COL4A5: variants seen among roughly 807,000 people sequenced by gnomAD.
COL4A5 encodes the protein collagen alpha-5(IV) chain.
Under a neutral mutation model 130.2 loss-of-function variants are expected in COL4A5, and 26 were observed. The ratio of observed to expected loss-of-function variants is 0.20; its 90% CI spans 0.15 to 0.28. The LOEUF is 0.28. Ranked by LOEUF, COL4A5 falls within the 10% of genes least tolerant of loss-of-function variation. COL4A5 has a pLI of 1.00. For synonymous variants in COL4A5, 496 were observed against 439.6 expected, an observed-to-expected ratio of 1.13 and a Z score of -1.60; for missense variants, 1,131 against 1,344.3, an observed-to-expected ratio of 0.84 and a Z score of 2.48.
intron 51 of COL4A5, 62 bp from the exon 52 acceptor site, chrX:108,695,205 G>T (rs1603328334): frequency 8.5e-7 from 1 of 1,180,613 alleles, no homozygotes; most frequent in East Asian, 3.0e-5. Context: ...CACATCTTTG[G>T]ATATTCACTA....
intron 1 of COL4A5, among the ~76,000 whole-genome samples, chrX:108,524,208 G>A (rs947901137): frequency 8.9e-6 from 1 of 111,741 alleles, no homozygotes; most frequent in Non-Finnish European, 1.9e-5. Context: ...AGGATTATGT[G>A]GAAAAGAAAT....
chrX:108,686,548 A>C (rs2147989925), intron 48 of COL4A5, among the ~76,000 whole-genome samples: 1 of 112,099 alleles, frequency 8.9e-6, no homozygotes, highest in African/African-American at 3.2e-5. Context: ...TAGACCTTTA[A>C]GAGTCATGGT....
chrX:108,566,197 A>G (rs1350841878), intron 4 of COL4A5, among the ~76,000 whole-genome samples: 1 of 110,340 alleles, frequency 9.1e-6, no homozygotes, highest in East Asian at 2.8e-4. Context: ...ATGAGTTGCT[A>G]CACCAGAAAC....
At chrX:108,477,835 A>G (rs891007740) in intron 1 of COL4A5, among the ~76,000 whole-genome samples, 1 of 108,612 alleles carries the variant, frequency 9.2e-6, no homozygotes, top group African/African-American at 3.3e-5. Context: ...AAAAAAAAAA[A>G]GAAGAAGGAG....
chrX:108,577,733 T>G (rs1376309710), intron 10 of COL4A5, among the ~76,000 whole-genome samples: 1 of 111,183 alleles, frequency 9.0e-6, no homozygotes, highest in Non-Finnish European at 1.9e-5. Flanking sequence ...CATCCCAGCT[T>G]TTTTCTCTTG....
chrX:108,468,706 T>G (rs1381194671), intron 1 of COL4A5, among the ~76,000 whole-genome samples: 1 of 110,297 alleles, frequency 9.1e-6, no homozygotes, highest in Non-Finnish European at 1.9e-5. Context: ...CCTGGGATAA[T>G]TCTCATTTGG....
intron 1 of COL4A5, among the ~76,000 whole-genome samples, chrX:108,446,437 A>G (rs573704319): frequency 8.9e-6 from 1 of 112,105 alleles, no homozygotes; most frequent in South Asian, 3.7e-4. Context: ...TTATTGCTAC[A>G]GCCGCCTTCA....
intron 1 of COL4A5, among the ~76,000 whole-genome samples, chrX:108,534,857 G>A (rs1298404805): frequency 9.0e-6 from 1 of 110,576 alleles, no homozygotes; most frequent in Non-Finnish European, 1.9e-5. Flanking sequence ...ACAAATATCT[G>A]TAGATTTTTC....
intron 1 of COL4A5, among the ~76,000 whole-genome samples, chrX:108,538,590 A>G (rs1223092796): frequency 9.0e-6 from 1 of 111,533 alleles, no homozygotes; most frequent in Non-Finnish European, 1.9e-5. Flanking sequence ...GACTAGAGTA[A>G]AGGAAATCAT....
chrX:108,559,294 C>T, intron 3 of COL4A5, 141 bp downstream of exon 3: 1 of 524,098 alleles, frequency 1.9e-6, no homozygotes, highest in Non-Finnish European at 3.4e-6. Context: ...GACGGGGAGT[C>T]TGTACTTTAT....
intron 1 of COL4A5, among the ~76,000 whole-genome samples, chrX:108,480,237 A>G (rs1040917650): frequency 9.8e-5 from 11 of 112,360 alleles, no homozygotes; most frequent in Middle Eastern, 4.2e-3. Context: ...TCTTGATTGT[A>G]GGAGGGGCCA....
intron 36 of COL4A5, among the ~76,000 whole-genome samples, chrX:108,629,379 G>A (rs1451337163): frequency 9.0e-6 from 1 of 111,693 alleles, no homozygotes; most frequent in African/African-American, 3.3e-5. Context: ...GGAAAGCAGG[G>A]AAACCAGTTA....
At chrX:108,491,694 A>C (rs770054955) in intron 1 of COL4A5, among the ~76,000 whole-genome samples, 1 of 111,495 alleles carries the variant, frequency 9.0e-6, no homozygotes, top group African/African-American at 3.3e-5. Context: ...TCTGAAGACA[A>C]CAGTCTACAT....
At chrX:108,623,281 C>T (rs887582531) in intron 33 of COL4A5, among the ~76,000 whole-genome samples, 2 of 111,398 alleles carry the variant, frequency 1.8e-5, no homozygotes, top group African/African-American at 3.3e-5. Context: ...TACAGTTCAC[C>T]GTTATTCTAC....
chrX:108,628,922 AAAAT>A (rs1306456663), intron 36 of COL4A5, among the ~76,000 whole-genome samples: 1 of 112,089 alleles, frequency 8.9e-6, no homozygotes, highest in Non-Finnish European at 1.9e-5. Context: ...TACAATAAAC[AAAAT>A]AAATAAGTCT....
chrX:108,489,198 A>C (rs1458538108), intron 1 of COL4A5, among the ~76,000 whole-genome samples: 1 of 112,033 alleles, frequency 8.9e-6, no homozygotes, highest in Admixed American at 9.5e-5. Context: ...ACATTGCAGG[A>C]AGGTGAGAAG....
chrX:108,465,079 G>A (rs748792196), intron 1 of COL4A5, among the ~76,000 whole-genome samples: 152 of 111,727 alleles, frequency 1.4e-3, no homozygotes, highest in Middle Eastern at 4.6e-3. Flanking sequence ...CCTGTACCCT[G>A]AAAGCCACTG....
At chrX:108,602,818 C>A in intron 27 of COL4A5, 146 bp from the exon 28 acceptor site, 1 of 485,068 alleles carries the variant, frequency 2.1e-6, no homozygotes, top group Non-Finnish European at 3.7e-6. Context: ...GATTGTAAGG[C>A]TTAATCCTAA....
At chrX:108,564,038 A>G (rs1369551170) in intron 4 of COL4A5, 112 bp downstream of exon 4, 3 of 671,172 alleles carry the variant, frequency 4.5e-6, no homozygotes, top group Non-Finnish European at 6.8e-6. Flanking sequence ...AAGAAGATAA[A>G]TACAGTCTTC....
Sources: gnomAD v4.1 joint callset for allele counts (sites outside exome capture counted in the v4.1 genomes callset) on GRCh38, gnomAD v4.1.1 for gene constraint, MANE v1.5 for transcripts, NCBI Gene and HGNC (gene_info 2026-07-23, HGNC 2026-07-21) for gene names.